Variants in DENND1A observed in about 807,000 individuals in gnomAD.
DENND1A encodes DENN domain containing 1A.
A neutral mutation model predicts 113.7 loss-of-function variants in DENND1A; 51 were observed. The ratio of observed to expected loss-of-function variants is 0.45; its 90% CI spans 0.36 to 0.57. The LOEUF is 0.57. Ranked by LOEUF, DENND1A falls within the 20% of genes least tolerant of loss-of-function variation. DENND1A has a pLI of 0.00. For missense variants in DENND1A, 1,258 were observed against 1,395.9 expected (o/e 0.90, Z 1.57); for synonymous variants, 565 against 570.8 (o/e 0.99, Z 0.14).
At chr9:123,826,267 G>T (rs1839317065) in intron 2 of DENND1A, among the ~76,000 whole-genome samples, 1 of 152,144 alleles carries the variant, frequency 6.6e-6, no homozygotes, top group African/African-American at 2.4e-5. Flanking sequence ...GCCAGGTGCA[G>T]TGGTTTGCAC....
intron 19 of DENND1A, among the ~76,000 whole-genome samples, chr9:123,417,309 G>A (rs2044815364): frequency 6.6e-6 from 1 of 152,228 alleles, no homozygotes; most frequent in African/African-American, 2.4e-5. Flanking sequence ...CTATCAGCAA[G>A]GTTCTGTTGA....
intron 13 of DENND1A, among the ~76,000 whole-genome samples, chr9:123,554,251 C>T (rs1349566624): frequency 6.6e-6 from 1 of 152,038 alleles, no homozygotes; most frequent in Admixed American, 6.5e-5. Flanking sequence ...AAGACAGGGT[C>T]TCACCCTGTT....
At chr9:123,555,623 G>A (rs2057373789) in intron 13 of DENND1A, among the ~76,000 whole-genome samples, 1 of 152,188 alleles carries the variant, frequency 6.6e-6, no homozygotes, top group Non-Finnish European at 1.5e-5. Flanking sequence ...GGAAGGACAG[G>A]CAGGCTTATC....
At position 123,674,342 on chromosome 9, in the gene DENND1A, TCACACACACA is replaced by T. The variant is rs546398875; in HGVS notation, c.372+2368_372+2377del. ...CTCTGTCTCTGTCTCTGTCTCTCTC[TCACACACACA>T]CACACACACACACACACACACACAC... On this transcript the variant is annotated intron_variant, in intron 6 of 23. Coordinates refer to ENST00000394215, the MANE Select transcript of DENND1A (RefSeq NM_001352964.2). 9.5e-3 allele frequency among the ~76,000 whole-genome samples: 1,263 copies of T among 132,366 alleles called. 11 individuals carry two copies. Among genetic ancestry groups the T allele is most frequent in the African/African-American group, 0.021 (729 of 34,928 alleles). 86.8% of individuals were successfully genotyped at this position (132,366 alleles called of 152,430 possible).
intron 1 of DENND1A, among the ~76,000 whole-genome samples, chr9:123,890,837 T>C (rs1849793373): frequency 3.3e-5 from 5 of 152,218 alleles, no homozygotes; most frequent in Admixed American, 3.3e-4. Context: ...CTCCAACATA[T>C]AATTGTATCC....
intron 5 of DENND1A, among the ~76,000 whole-genome samples, chr9:123,707,621 T>G (rs923196688): frequency 3.9e-5 from 6 of 152,120 alleles, no homozygotes; most frequent in Admixed American, 2.0e-4. Context: ...AGAGGAGAAC[T>G]GAGAATTAAT....
At chr9:123,817,209 G>C (rs1837637927) in intron 2 of DENND1A, among the ~76,000 whole-genome samples, 1 of 152,126 alleles carries the variant, frequency 6.6e-6, no homozygotes, top group South Asian at 2.1e-4. Flanking sequence ...CCCAGTCTTT[G>C]TCCCTCAAGA....
At chr9:123,440,320 A>G (rs2046830836) in intron 19 of DENND1A, 40 bp downstream of exon 19, 8 of 1,568,326 alleles carry the variant, frequency 5.1e-6, no homozygotes, top group Non-Finnish European at 6.0e-6. Flanking sequence ...AAAAATAAAA[A>G]AAAAACAAAA....
rs1317364391 is a variant in DENND1A at position 123,509,732 on chromosome 9, T to C, written c.993+47838A>G. ...GAACTGCAAGACCTGTTCTATCCAT[T>C]GTATGCTGGATGCTTACACTTGGAG... is the stretch of plus-strand genomic sequence containing the variant. On this transcript the variant is annotated intron_variant, in intron 13 of 23. Coordinates refer to ENST00000394215, the MANE Select transcript of DENND1A (RefSeq NM_001352964.2). 3.9e-5 allele frequency among the ~76,000 whole-genome samples: 6 copies of C among 152,328 alleles called. No homozygotes were observed. The East Asian group carries it at 1.2e-3, about 29-fold the overall frequency.
intron 11 of DENND1A, among the ~76,000 whole-genome samples, chr9:123,604,113 G>T (rs2060046267): frequency 6.6e-6 from 1 of 152,136 alleles, no homozygotes; most frequent in Non-Finnish European, 1.5e-5. Context: ...CAGCCTCCAA[G>T]GCCCTGGATG....
At chr9:123,842,674 G>T (rs936843027) in intron 2 of DENND1A, among the ~76,000 whole-genome samples, 1 of 152,086 alleles carries the variant, frequency 6.6e-6, no homozygotes, top group South Asian at 2.1e-4. Flanking sequence ...GACTTTACTG[G>T]AGAATTCTAC....
intron 13 of DENND1A, among the ~76,000 whole-genome samples, chr9:123,551,425 CAG>C (rs1166219423): frequency 1.3e-5 from 2 of 152,182 alleles, no homozygotes; most frequent in African/African-American, 2.4e-5. Flanking sequence ...ATTGGAAATG[CAG>C]AGAGTTACTA....
intron 11 of DENND1A, among the ~76,000 whole-genome samples, chr9:123,593,642 G>C (rs913780126): frequency 6.6e-6 from 1 of 152,098 alleles, no homozygotes; most frequent in Non-Finnish European, 1.5e-5. Context: ...ATGACTTCTT[G>C]GGAGCTTTTC....
intron 2 of DENND1A, among the ~76,000 whole-genome samples, chr9:123,795,585 T>C (rs548059123): frequency 2.0e-4 from 30 of 152,382 alleles, no homozygotes; most frequent in African/African-American, 7.2e-4. Flanking sequence ...AAGTACTCTA[T>C]GTATTTCATT....
chr9:123,664,209 T>TA (rs1460983474), intron 8 of DENND1A, among the ~76,000 whole-genome samples: 1 of 152,204 alleles, frequency 6.6e-6, no homozygotes, highest in South Asian at 2.1e-4. Context: ...TGAAACACCT[T>TA]AACCACCTAA....
At chr9:123,682,383 C>T (rs1164237354) in intron 5 of DENND1A, among the ~76,000 whole-genome samples, 1 of 152,146 alleles carries the variant, frequency 6.6e-6, no homozygotes, top group Non-Finnish European at 1.5e-5. Flanking sequence ...GACACAGGGT[C>T]TTTCAGTTGC....
At chr9:123,889,913 C>T (rs1010800531) in intron 1 of DENND1A, among the ~76,000 whole-genome samples, 1 of 151,926 alleles carries the variant, frequency 6.6e-6, no homozygotes. Context: ...GCAGAGGCTG[C>T]AGTCAGCCAA....
Position 123,929,953 on chromosome 9 carries a change from C to T in DENND1A, c.-48G>A. On this transcript the variant is annotated 5_prime_UTR_variant, in exon 1 of 24. Transcript: ENST00000394215. ...CCCGCGGGCCCCGCTCGGCGCTGCGCTGCCCGCCCGCCCGCGGCCGACCGG... is the reference window on the plus strand; with the variant it reads ...CCCGCGGGCCCCGCTCGGCGCTGCGTTGCCCGCCCGCCCGCGGCCGACCGG... 1 of 303,152 alleles carries T rather than the reference C, an allele frequency of 3.3e-6. No individual in the cohort carries two copies. Among genetic ancestry groups the T allele is most frequent in the South Asian group, 9.1e-5 (1 of 11,044 alleles). 18.8% of individuals were successfully genotyped at this position (303,152 alleles called of 1,614,324 possible).
chr9:123,426,195 C>A (rs2045714674), intron 19 of DENND1A, among the ~76,000 whole-genome samples: 2 of 152,134 alleles, frequency 1.3e-5, no homozygotes, highest in Admixed American at 1.3e-4. Context: ...GCAGGCAAAC[C>A]AGTGGTCAGG....
Sources: allele counts gnomAD v4.1 joint callset (sites outside exome capture counted in the v4.1 genomes callset), GRCh38; gene constraint gnomAD v4.1.1; transcripts MANE v1.5; gene names NCBI Gene and HGNC (gene_info 2026-07-23, HGNC 2026-07-21).